The following DLG2 variants were observed in gnomAD, a reference collection of about 807,000 sequenced individuals.
DLG2 encodes the protein disks large homolog 2.
A neutral mutation model predicts 132.5 loss-of-function variants in DLG2; 45 were observed. That is an observed-to-expected ratio of 0.34 (90% CI 0.27 to 0.44). DLG2 has a LOEUF of 0.44. DLG2 is among the 20% of genes least tolerant of loss of function. The pLI is 1.00. For missense variants in DLG2, 1,045 were observed against 1,196.9 expected (o/e 0.87, Z 1.87); for synonymous variants, 424 against 419.6 (o/e 1.01, Z -0.13).
At chr11:84,047,696 C>A (rs2096269594) in intron 11 of DLG2, among the ~76,000 whole-genome samples, 1 of 151,558 alleles carries the variant, frequency 6.6e-6, no homozygotes, top group South Asian at 2.1e-4. Context: ...TTCAAGGAGC[C>A]ATTGATCATA....
chr11:84,824,447 C>A (rs1361425203), intron 6 of DLG2, among the ~76,000 whole-genome samples: 1 of 151,744 alleles, frequency 6.6e-6, no homozygotes, highest in Non-Finnish European at 1.5e-5. Context: ...AGATAAATTT[C>A]TTTATTTGGG....
chr11:85,568,283 G>A (rs1202891272), intron 3 of DLG2, among the ~76,000 whole-genome samples: 5 of 152,022 alleles, frequency 3.3e-5, no homozygotes, highest in Non-Finnish European at 7.4e-5. Flanking sequence ...CCAAAGTGCT[G>A]GGATTACAGG....
chr11:85,425,195 A>T (rs2090620470), intron 3 of DLG2, among the ~76,000 whole-genome samples: 1 of 152,246 alleles, frequency 6.6e-6, no homozygotes, highest in African/African-American at 2.4e-5. Context: ...AGAACATCTC[A>T]AAGAAAATGT....
chr11:84,095,455 A>G (rs1286324230), intron 10 of DLG2, among the ~76,000 whole-genome samples: 2 of 152,212 alleles, frequency 1.3e-5, no homozygotes, highest in African/African-American at 2.4e-5. Flanking sequence ...AGCTAATTAC[A>G]ATGTCCTTCT....
At chr11:83,886,401 T>G (rs2067908568) in intron 15 of DLG2, among the ~76,000 whole-genome samples, 1 of 152,058 alleles carries the variant, frequency 6.6e-6, no homozygotes, top group Non-Finnish European at 1.5e-5. Context: ...GAACTAACTA[T>G]CCAAAATGTA....
At chr11:83,874,007 G>T (rs1036574890) in intron 16 of DLG2, among the ~76,000 whole-genome samples, 1 of 152,024 alleles carries the variant, frequency 6.6e-6, no homozygotes, top group Non-Finnish European at 1.5e-5. Context: ...AAGAAATCTT[G>T]TTTGACTTAT....
At chr11:84,871,293 T>C (rs1211516920) in intron 6 of DLG2, among the ~76,000 whole-genome samples, 1 of 152,188 alleles carries the variant, frequency 6.6e-6, no homozygotes, top group Non-Finnish European at 1.5e-5. Context: ...GAACCACAAG[T>C]GATTCTGATG....
chr11:84,284,552 G>C (rs1490504405), intron 7 of DLG2, among the ~76,000 whole-genome samples: 2 of 152,234 alleles, frequency 1.3e-5, no homozygotes, highest in African/African-American at 4.8e-5. Context: ...GAGAGAAGTT[G>C]ACTGAAGTAG....
chr11:83,692,301 A>G (rs750060544), intron 18 of DLG2, among the ~76,000 whole-genome samples: 12 of 152,238 alleles, frequency 7.9e-5, no homozygotes, highest in Admixed American at 5.9e-4. Flanking sequence ...TTATTGGCAA[A>G]TCATTTAAAC....
chr11:84,193,855 A>C (rs1046785360), intron 8 of DLG2, among the ~76,000 whole-genome samples: 1 of 152,202 alleles, frequency 6.6e-6, no homozygotes, highest in Admixed American at 6.5e-5. Context: ...CACTGATCCA[A>C]TTACTCTACC....
At chr11:83,721,587 T>C (rs1324589396) in intron 18 of DLG2, among the ~76,000 whole-genome samples, 4 of 152,192 alleles carry the variant, frequency 2.6e-5, no homozygotes. Context: ...TCTCCAGTGA[T>C]AAATCCACAG....
chr11:84,313,681 G>GA (rs926413513), intron 7 of DLG2, among the ~76,000 whole-genome samples: 5 of 148,988 alleles, frequency 3.4e-5, no homozygotes, highest in African/African-American at 1.2e-4. Flanking sequence ...AAGAAAGAAA[G>GA]AAAGAAAAAG....
chr11:84,301,117 A>T (rs1225707775), intron 7 of DLG2, among the ~76,000 whole-genome samples: 3 of 152,222 alleles, frequency 2.0e-5, no homozygotes, highest in Non-Finnish European at 4.4e-5. Flanking sequence ...CCTCACGAGA[A>T]GTGTAGTCAA....
chr11:83,749,030 T>C (rs1178417185), intron 18 of DLG2, among the ~76,000 whole-genome samples: 5 of 152,222 alleles, frequency 3.3e-5, no homozygotes, highest in Admixed American at 6.6e-5. Context: ...TTTGACTGAC[T>C]CTGAGGCAGC....
chr11:83,969,007 C>T (rs2514161), intron 12 of DLG2, among the ~76,000 whole-genome samples: 28,234 of 152,072 alleles, frequency 0.19, 4,069 homozygotes, highest in African/African-American at 0.38. Flanking sequence ...TTATTTAATA[C>T]TTGCATGCCA....
intron 10 of DLG2, among the ~76,000 whole-genome samples, chr11:84,093,200 A>T (rs1396072814): frequency 3.3e-5 from 5 of 152,152 alleles, no homozygotes; most frequent in Non-Finnish European, 7.3e-5. Flanking sequence ...CTGTATCAAG[A>T]TGTCAGCTGA....
At chr11:84,407,564 T>A (rs549676750) in intron 7 of DLG2, among the ~76,000 whole-genome samples, 3 of 152,348 alleles carry the variant, frequency 2.0e-5, no homozygotes, top group African/African-American at 7.2e-5. Context: ...TTTTAGTTCC[T>A]AGACCTACCT....
intron 7 of DLG2, among the ~76,000 whole-genome samples, chr11:84,492,065 C>G (rs958022418): frequency 3.9e-5 from 6 of 151,910 alleles, no homozygotes; most frequent in Non-Finnish European, 7.4e-5. Context: ...TATGACCGAA[C>G]AGAATTTATA....
chr11:84,729,094 T>C lies in DLG2; in HGVS notation c.358-194363A>G, dbSNP rs534105104. Among the ~76,000 whole-genome samples, 3 of 152,302 alleles carry C rather than the reference T, an allele frequency of 2.0e-5. No homozygotes were observed. In the South Asian group the frequency reaches 6.2e-4, roughly 32 times the overall value. On this transcript the variant is annotated intron_variant, in intron 6 of 27. Coordinates refer to ENST00000376104, the MANE Select transcript of DLG2 (RefSeq NM_001142699.3). ...TTTGGGTCTGTATCTCCTTCAGTTC[T>C]GCTCTGATCTTAGTTATTTCTTGTC...
Sources: gnomAD v4.1 joint callset for allele counts (sites outside exome capture counted in the v4.1 genomes callset) on GRCh38, gnomAD v4.1.1 for gene constraint, MANE v1.5 for transcripts, NCBI Gene and HGNC (gene_info 2026-07-23, HGNC 2026-07-21) for gene names.